Variants in RELCH observed in about 807,000 individuals in gnomAD.
RELCH encodes RAB11-binding protein RELCH.
Under a neutral mutation model 150.3 loss-of-function variants are expected in RELCH, and 41 were observed. The observed-to-expected ratio is 0.27, with a 90% CI of 0.21 to 0.35. The LOEUF (loss-of-function observed/expected upper bound fraction) is 0.35. RELCH is among the 10% of genes least tolerant of loss of function. The pLI is 1.00. For missense variants in RELCH, 1,092 were observed against 1,467.8 expected (o/e 0.74, Z 4.18); for synonymous variants, 478 against 531.8 (o/e 0.90, Z 1.39).
intron 28 of RELCH, among the ~76,000 whole-genome samples, chr18:62,303,798 G>A (rs1419062926): frequency 6.6e-6 from 1 of 152,204 alleles, no homozygotes; most frequent in African/African-American, 2.4e-5. Flanking sequence ...TTTCCTGAAT[G>A]CAAAGCACAT....
intron 10 of RELCH, among the ~76,000 whole-genome samples, chr18:62,242,646 GC>G (rs945106970): frequency 6.6e-6 from 1 of 152,070 alleles, no homozygotes; most frequent in African/African-American, 2.4e-5. Context: ...CACATCTGTA[GC>G]CATATTTCAG....
At chr18:62,201,957 A>T (rs565558484) in intron 1 of RELCH, among the ~76,000 whole-genome samples, 1 of 152,230 alleles carries the variant, frequency 6.6e-6, no homozygotes, top group Non-Finnish European at 1.5e-5. Context: ...AAAATATTAA[A>T]TGTAAATATA....
chr18:62,299,669 C>T (rs984398843), intron 28 of RELCH, among the ~76,000 whole-genome samples: 1 of 152,150 alleles, frequency 6.6e-6, no homozygotes, highest in African/African-American at 2.4e-5. Flanking sequence ...ACAATAGACA[C>T]ATTCACATCT....
At chr18:62,277,459 A>C (rs534478346) in intron 22 of RELCH, 1 of 417,310 alleles carries the variant, frequency 2.4e-6, no homozygotes, top group Non-Finnish European at 3.2e-6. Context: ...AATTGTGTTA[A>C]AAGAATAATG....
chr18:62,244,645 C>T, intron 10 of RELCH, 119 bp from the exon 11 acceptor site: 1 of 607,402 alleles, frequency 1.6e-6, no homozygotes, highest in Non-Finnish European at 2.9e-6. Context: ...TTAAAATTTA[C>T]CCTTTTGTTT....
At chr18:62,283,122 T>G (rs1428776156) in intron 25 of RELCH, among the ~76,000 whole-genome samples, 1 of 152,252 alleles carries the variant, frequency 6.6e-6, no homozygotes, top group Non-Finnish European at 1.5e-5. Context: ...AGTTTATTTT[T>G]TATTTTTAAG....
At chr18:62,207,163 A>G (rs1246466957) in intron 1 of RELCH, among the ~76,000 whole-genome samples, 1 of 152,058 alleles carries the variant, frequency 6.6e-6, no homozygotes, top group East Asian at 1.9e-4. Flanking sequence ...TCAACCCCCA[A>G]TCACTAATCT....
chr18:62,280,295 C>A, intron 23 of RELCH: 1 of 1,347,930 alleles, frequency 7.4e-7, no homozygotes, highest in Non-Finnish European at 1.1e-6. Flanking sequence ...TCCTCAGTCA[C>A]AGCTAACCCA....
At position 62,264,784 on chromosome 18, in the gene RELCH, G is replaced by A; in HGVS notation, c.2563G>A (p.Val855Ile). 6.2e-7 allele frequency: 1 copy of A among 1,608,328 alleles called. No homozygotes were observed. The highest frequency in any genetic ancestry group is 1.1e-5 in the South Asian group (1 of 90,402). The change falls in exon 18 of 29, where the codon GTC becomes ATC. Residue 855 changes from valine to isoleucine, a missense_variant. Physicochemically the swap from Val to Ile is conservative, Grantham distance 29. Transcript: ENST00000644646. ...AATTAATGTTACTTCAACTGCCTGT[G>A]TCCATGAATTCTCCAGATTTTTCTG... Reference protein sequence around the residue: ...GKINVTSTACVHEFSRFFWRL... With the variant: ...GKINVTSTACIHEFSRFFWRL...
chr18:62,212,416 A>T (rs2040226398), intron 2 of RELCH, among the ~76,000 whole-genome samples: 1 of 152,194 alleles, frequency 6.6e-6, no homozygotes, highest in Non-Finnish European at 1.5e-5. Flanking sequence ...GGGATGCCAC[A>T]TGGGACACAC....
At chr18:62,264,217 A>C in intron 17 of RELCH, 72 bp downstream of exon 17, 1 of 1,279,406 alleles carries the variant, frequency 7.8e-7, no homozygotes, top group East Asian at 2.7e-5. Context: ...TAAGAACAAA[A>C]TATAACAAAA....
In RELCH at chr18:62,187,988, T is replaced by C; in HGVS notation, c.483T>C (p.Ala161=). 6.3e-7 allele frequency: 1 copy of C among 1,599,292 alleles called. No homozygotes were observed. Among genetic ancestry groups the C allele is most frequent in the Non-Finnish European group, 8.5e-7 (1 of 1,173,760 alleles). The part of the protein sequence containing the change: ...GVPGAAGVGG[A]GGREPSTASG... ...CTGGAGCAGCCGGCGTTGGGGGCGCTGGAGGTCGGGAACCGAGTACAGCGT... is the reference window on the plus strand; with the variant it reads ...CTGGAGCAGCCGGCGTTGGGGGCGCCGGAGGTCGGGAACCGAGTACAGCGT... Residue 161 remains alanine, a synonymous_variant, in exon 1 of 29, where the codon GCT becomes GCC. Transcript: ENST00000644646.
At chr18:62,222,884 A>T (rs1317573398) in intron 5 of RELCH, among the ~76,000 whole-genome samples, 2 of 151,184 alleles carry the variant, frequency 1.3e-5, no homozygotes, top group African/African-American at 4.9e-5. Context: ...TTTCCAAATA[A>T]CGCATGAGTT....
intron 8 of RELCH, among the ~76,000 whole-genome samples, chr18:62,229,105 T>C (rs2041395403): frequency 6.6e-6 from 1 of 152,118 alleles, no homozygotes; most frequent in Non-Finnish European, 1.5e-5. Context: ...ACAAAAACCA[T>C]GGTCCCTGCA....
chr18:62,227,405 C>T lies in RELCH; in HGVS notation c.975C>T (p.Ala325=). Residue 325 remains alanine (A), a synonymous_variant, in exon 6 of 29, where the codon GCC becomes GCT. Transcript: ENST00000644646. ...CTGGAAAAGATCTTGTAGATGTGGC[C>T]AGTGGAGTAGAAGAAGATGAATTAG... ...QVTGKDLVDV[A]SGVEEDELEA... is the part of the protein sequence containing the mutation. 1.2e-6 allele frequency: 2 copies of T among 1,613,012 alleles called. No individual in the cohort carries two copies. Among genetic ancestry groups the T allele is most frequent in the Non-Finnish European group, 1.7e-6 (2 of 1,179,406 alleles).
intron 1 of RELCH, among the ~76,000 whole-genome samples, chr18:62,208,853 A>G (rs2039981980): frequency 6.6e-6 from 1 of 152,174 alleles, no homozygotes; most frequent in South Asian, 2.1e-4. Flanking sequence ...ATGGCTGCAT[A>G]GTAGAAATCT....
At chr18:62,288,187 C>T (rs566930630) in intron 26 of RELCH, among the ~76,000 whole-genome samples, 1 of 151,990 alleles carries the variant, frequency 6.6e-6, no homozygotes, top group Non-Finnish European at 1.5e-5. Context: ...AACTTTTAGG[C>T]TCTTTTATTT....
chr18:62,300,041 A>C (rs1302041032), intron 28 of RELCH: 1 of 152,166 alleles, frequency 6.6e-6, no homozygotes, highest in Non-Finnish European at 1.5e-5. Context: ...TGTACATTGT[A>C]GTTGGTTGCT....
intron 13 of RELCH, among the ~76,000 whole-genome samples, 200 bp downstream of exon 13, chr18:62,255,678 G>T (rs1376988272): frequency 6.6e-6 from 1 of 152,080 alleles, no homozygotes; most frequent in Non-Finnish European, 1.5e-5. Context: ...GATTTTGGAT[G>T]AGTATAAATA....
Sources: allele counts gnomAD v4.1 joint callset (sites outside exome capture counted in the v4.1 genomes callset), GRCh38; gene constraint gnomAD v4.1.1; transcripts MANE v1.5; gene names NCBI Gene and HGNC (gene_info 2026-07-23, HGNC 2026-07-21).